The following PTER variants were observed in gnomAD, a reference collection of about 807,000 sequenced individuals.
The protein encoded by PTER is phosphotriesterase related.
Under a neutral mutation model 29.6 loss-of-function variants are expected in PTER, and 38 were observed. The ratio of observed to expected loss-of-function variants is 1.28; its 90% CI spans 0.99 to 1.68. The LOEUF is 1.68. PTER is among the 40% of genes most tolerant of loss of function. PTER has a pLI of 0.00. For synonymous variants in PTER, 172 were observed against 154.5 expected, an observed-to-expected ratio of 1.11 and a Z score of -0.84; for missense variants, 482 against 427.8, an observed-to-expected ratio of 1.13 and a Z score of -1.12.
At chr10:16,486,800 G>A (rs1225850185) in intron 3 of PTER, 183 bp downstream of exon 3, 3 of 660,346 alleles carry the variant, frequency 4.5e-6, no homozygotes, top group East Asian at 5.6e-5. Context: ...TGCCATTTTT[G>A]TGTCCCTCCT....
chr10:16,463,561 G>A (rs553098456), intron 1 of PTER, among the ~76,000 whole-genome samples: 178 of 152,200 alleles, frequency 1.2e-3, no homozygotes, highest in Non-Finnish European at 2.1e-3. Context: ...GATTACAGGC[G>A]GGTGCCACCA....
intron 1 of PTER, among the ~76,000 whole-genome samples, chr10:16,473,132 C>T (rs1454637405): frequency 6.6e-6 from 1 of 152,020 alleles, no homozygotes; most frequent in East Asian, 1.9e-4. Context: ...AAGGTATAAA[C>T]TAGTTGTGAT....
intron 1 of PTER, among the ~76,000 whole-genome samples, chr10:16,473,520 A>G (rs1461504390): frequency 4.2e-5 from 2 of 47,354 alleles, no homozygotes; most frequent in East Asian, 1.2e-3. Context: ...ACTCCATCCG[A>G]AAAAAAAAAA....
intron 2 of PTER, 70 bp downstream of exon 2, chr10:16,484,886 T>G (rs1588616148): frequency 6.8e-7 from 1 of 1,477,846 alleles, no homozygotes; most frequent in Non-Finnish European, 9.0e-7. Context: ...GGAAATGCCC[T>G]GGGTTCAGAG....
chr10:16,494,658 C>T (rs183296180), intron 3 of PTER, among the ~76,000 whole-genome samples: 1 of 152,278 alleles, frequency 6.6e-6, no homozygotes, highest in Admixed American at 6.5e-5. Context: ...GGGTCTGGAT[C>T]AAACTAAAAT....
At chr10:16,495,168 C>CTTTTTTTTT (rs3047217) in intron 3 of PTER, among the ~76,000 whole-genome samples, 2 of 132,206 alleles carry the variant, frequency 1.5e-5, no homozygotes, top group South Asian at 4.8e-4. Context: ...TTTGGAATTA[C>CTTTTTTTTT]TTTTTTTTTT....
chr10:16,439,659 T>C (rs763554892), intron 1 of PTER, among the ~76,000 whole-genome samples: 1 of 152,244 alleles, frequency 6.6e-6, no homozygotes, highest in Non-Finnish European at 1.5e-5. Flanking sequence ...AGGACATACA[T>C]ACATACAGGA....
At chr10:16,482,891 T>C (rs970323458) in intron 1 of PTER, among the ~76,000 whole-genome samples, 1 of 152,084 alleles carries the variant, frequency 6.6e-6, no homozygotes, top group African/African-American at 2.4e-5. Context: ...AAGCAATTCT[T>C]CTGCCTCAGC....
chr10:16,444,291 C>A (rs916600458), intron 1 of PTER, among the ~76,000 whole-genome samples: 4 of 152,080 alleles, frequency 2.6e-5, no homozygotes, highest in South Asian at 2.1e-4. Flanking sequence ...CCGCACCCGG[C>A]CTCTTTTCTT....
chr10:16,458,700 T>C (rs1834499259), intron 1 of PTER, among the ~76,000 whole-genome samples: 1 of 152,170 alleles, frequency 6.6e-6, no homozygotes, highest in Non-Finnish European at 1.5e-5. Context: ...CATTTGCAAC[T>C]CTGCCCTTTA....
At chr10:16,453,310 G>A (rs765496254) in intron 1 of PTER, among the ~76,000 whole-genome samples, 3 of 152,118 alleles carry the variant, frequency 2.0e-5, no homozygotes, top group Non-Finnish European at 2.9e-5. Context: ...AGTAGTTTCT[G>A]TAGTTGTGTT....
chr10:16,450,228 G>A (rs1280764446), intron 1 of PTER, among the ~76,000 whole-genome samples: 1 of 152,186 alleles, frequency 6.6e-6, no homozygotes, highest in Non-Finnish European at 1.5e-5. Context: ...ATATCTAGAA[G>A]CAAACGGGTA....
downstream of PTER, chr10:16,514,704 GCACC>G: frequency 1.9e-6 from 3 of 1,607,916 alleles, no homozygotes; most frequent in Non-Finnish European, 2.5e-6. Flanking sequence ...GCACTAGCAC[GCACC>G]TATGTGAAAC....
At chr10:16,484,202 G>A (rs1415637678) in intron 1 of PTER, 135 bp from the exon 2 acceptor site, 4 of 594,302 alleles carry the variant, frequency 6.7e-6, no homozygotes, top group Non-Finnish European at 2.8e-6. Flanking sequence ...AGGATTGTGA[G>A]ATCGTATCTC....
intron 3 of PTER, among the ~76,000 whole-genome samples, chr10:16,499,989 G>A (rs1266269464): frequency 6.6e-6 from 1 of 151,868 alleles, no homozygotes; most frequent in Non-Finnish European, 1.5e-5. Context: ...CAGAGGCTTG[G>A]CCTCCCAAAG....
intron 3 of PTER, among the ~76,000 whole-genome samples, chr10:16,496,493 G>A (rs1836105916): frequency 6.6e-6 from 1 of 152,190 alleles, no homozygotes; most frequent in Admixed American, 6.5e-5. Flanking sequence ...TGCTAGGAAT[G>A]TTCTATTTCC....
intron 1 of PTER, among the ~76,000 whole-genome samples, chr10:16,464,540 C>G (rs192340557): frequency 6.6e-6 from 1 of 152,348 alleles, no homozygotes; most frequent in African/African-American, 2.4e-5. Flanking sequence ...CAACTGCCTA[C>G]TTAATGATCG....
intron 1 of PTER, among the ~76,000 whole-genome samples, chr10:16,459,091 A>C (rs1247168799): frequency 6.6e-6 from 1 of 152,166 alleles, no homozygotes; most frequent in African/African-American, 2.4e-5. Flanking sequence ...ATTTTCTTTC[A>C]GACTATTCTC....
In PTER at chr10:16,452,797, G is replaced by C. The variant is rs1487597805; in HGVS notation, c.-49+15750G>C. Among the ~76,000 whole-genome samples, 3 of 151,790 alleles carry C rather than the reference G, an allele frequency of 2.0e-5. No individual in the cohort carries two copies. In the East Asian group the frequency reaches 5.8e-4, roughly 29 times the overall value. On this transcript the variant is annotated intron_variant, in intron 1 of 4. Transcript: ENST00000535784. ...AGACAGTGTCTTGCTCTGTCACCCAGGCTGGAGTGCAGTGGCATGATCTTG... is the reference window on the plus strand; with the variant it reads ...AGACAGTGTCTTGCTCTGTCACCCACGCTGGAGTGCAGTGGCATGATCTTG...
Sources: gnomAD v4.1 joint callset for allele counts (sites outside exome capture counted in the v4.1 genomes callset) on GRCh38, gnomAD v4.1.1 for gene constraint, MANE v1.5 for transcripts, NCBI Gene and HGNC (gene_info 2026-07-23, HGNC 2026-07-21) for gene names.